PTPRG: variants seen among roughly 807,000 people sequenced by gnomAD.
PTPRG encodes receptor-type tyrosine-protein phosphatase gamma.
Under a neutral mutation model 165.3 loss-of-function variants are expected in PTPRG, and 102 were observed. That is an observed-to-expected ratio of 0.62 (90% confidence interval 0.53 to 0.73). PTPRG has a LOEUF of 0.73. PTPRG is among the 30% of genes least tolerant of loss of function. The pLI is 0.00. For synonymous variants in PTPRG, 675 were observed against 669.5 expected (o/e 1.01, Z -0.13); for missense variants, 1,866 against 1,861.4 (o/e 1.00, Z -0.05).
chr3:62,062,467 G>C (rs1193800088), intron 4 of PTPRG, among the ~76,000 whole-genome samples: 6 of 152,152 alleles, frequency 3.9e-5, no homozygotes, highest in Non-Finnish European at 8.8e-5. Flanking sequence ...TTAATAAAAT[G>C]TTGGGGGGAA....
intron 19 of PTPRG, among the ~76,000 whole-genome samples, chr3:62,268,788 A>G (rs939826648): frequency 3.3e-5 from 5 of 152,174 alleles, no homozygotes; most frequent in Non-Finnish European, 5.9e-5. Context: ...ATAAAAATGC[A>G]TTATATATTG....
At chr3:62,049,638 C>G (rs866544171) in intron 4 of PTPRG, among the ~76,000 whole-genome samples, 1 of 152,116 alleles carries the variant, frequency 6.6e-6, no homozygotes, top group African/African-American at 2.4e-5. Flanking sequence ...TTTGAACTTG[C>G]ATAGGTTCAA....
chr3:61,926,327 T>C (rs2039209908), intron 2 of PTPRG, among the ~76,000 whole-genome samples: 1 of 152,076 alleles, frequency 6.6e-6, no homozygotes, highest in East Asian at 1.9e-4. Context: ...ATCCCCTTGG[T>C]GCTGTTCTTG....
At chr3:62,249,464 T>C (rs1350127314) in intron 15 of PTPRG, among the ~76,000 whole-genome samples, 1 of 152,122 alleles carries the variant, frequency 6.6e-6, no homozygotes, top group Non-Finnish European at 1.5e-5. Flanking sequence ...ATGCTAGGGC[T>C]CTGTTTTTCT....
chr3:61,878,481 GT>G (rs1195074836), intron 2 of PTPRG, among the ~76,000 whole-genome samples: 1 of 152,016 alleles, frequency 6.6e-6, no homozygotes, highest in Non-Finnish European at 1.5e-5. Context: ...TCCCCAGGTT[GT>G]TTTTGGTTTG....
At chr3:62,170,827 G>A (rs139033073) in intron 8 of PTPRG, among the ~76,000 whole-genome samples, 90 of 152,224 alleles carry the variant, frequency 5.9e-4, no homozygotes, top group Non-Finnish European at 1.1e-3. Flanking sequence ...TGCAGTACCC[G>A]TAATACGTGC....
rs370508706 is a variant in PTPRG at position 62,244,559 on chromosome 3, G to A, written c.2467+661G>A. On this transcript the variant is annotated intron_variant, in intron 15 of 29. Coordinates refer to ENST00000474889, the MANE Select transcript of PTPRG (RefSeq NM_002841.4). The stretch of plus-strand genomic sequence containing the variant: ...GGTTTCATTATGTGCTTCCAAATAC[G>A]TATCTTCAGATATTTTAGATACATC... Among the ~76,000 whole-genome samples, 154 of 152,032 alleles carry A rather than the reference G, an allele frequency of 1.0e-3. 1 individual carries two copies. The highest frequency in any genetic ancestry group is 7.0e-4 in the African/African-American group (29 of 41,454).
chr3:61,853,446 G>C (rs537409211), intron 2 of PTPRG, among the ~76,000 whole-genome samples: 1 of 152,154 alleles, frequency 6.6e-6, no homozygotes, highest in South Asian at 2.1e-4. Context: ...TCATTAGAAC[G>C]CTGGGGAAGA....
intron 1 of PTPRG, among the ~76,000 whole-genome samples, chr3:61,584,656 G>A (rs895487264): frequency 3.9e-4 from 58 of 149,366 alleles, no homozygotes; most frequent in Admixed American, 1.1e-3. Context: ...ATGTTATCCC[G>A]CTTTGATCTA....
At chr3:61,990,760 T>C (rs2040865679) in intron 3 of PTPRG, among the ~76,000 whole-genome samples, 1 of 152,204 alleles carries the variant, frequency 6.6e-6, no homozygotes, top group Non-Finnish European at 1.5e-5. Flanking sequence ...AAGTGAACCC[T>C]TTGTAACCAA....
At chr3:61,728,874 CAAAAA>C (rs3032404) in intron 1 of PTPRG, among the ~76,000 whole-genome samples, 3 of 103,008 alleles carry the variant, frequency 2.9e-5, no homozygotes, top group Non-Finnish European at 4.2e-5. Flanking sequence ...TAATCTGTAC[CAAAAA>C]AAAAAAAAAA....
intron 2 of PTPRG, among the ~76,000 whole-genome samples, chr3:61,983,294 T>C (rs540811280): frequency 6.6e-6 from 1 of 152,280 alleles, no homozygotes; most frequent in Non-Finnish European, 1.5e-5. Context: ...TAAACCTGTG[T>C]ATTCGATTTC....
chr3:61,941,020 T>C (rs1575807006), intron 2 of PTPRG, among the ~76,000 whole-genome samples: 1 of 152,172 alleles, frequency 6.6e-6, no homozygotes, highest in Admixed American at 6.5e-5. Flanking sequence ...GACATTCTGA[T>C]CCCAACAGCA....
At chr3:61,730,235 G>A (rs1326998981) in intron 1 of PTPRG, among the ~76,000 whole-genome samples, 1 of 148,720 alleles carries the variant, frequency 6.7e-6, no homozygotes, top group East Asian at 2.1e-4. Flanking sequence ...TGCAGCTACA[G>A]TGCCTCAGCT....
At chr3:61,730,279 C>T (rs1298793039) in intron 1 of PTPRG, among the ~76,000 whole-genome samples, 1 of 152,186 alleles carries the variant, frequency 6.6e-6, no homozygotes, top group African/African-American at 2.4e-5. Context: ...GCCATGCAGA[C>T]CTTTATGGCT....
chr3:61,669,962 C>T (rs556282846), intron 1 of PTPRG, among the ~76,000 whole-genome samples: 8 of 152,272 alleles, frequency 5.3e-5, no homozygotes, highest in African/African-American at 1.7e-4. Flanking sequence ...AGTTTCAGTA[C>T]TGGAGTCGGC....
At chr3:62,009,851 A>G (rs759897127) in intron 4 of PTPRG, among the ~76,000 whole-genome samples, 19 of 152,144 alleles carry the variant, frequency 1.2e-4, no homozygotes, top group Non-Finnish European at 2.4e-4. Context: ...CCTAGACTAC[A>G]TGTCAGGTTG....
At chr3:62,074,934 T>C (rs79348696) in intron 4 of PTPRG, among the ~76,000 whole-genome samples, 9,410 of 152,266 alleles carry the variant, frequency 0.062, 418 homozygotes, top group South Asian at 0.11. Context: ...TATGTTTCAA[T>C]TCACGCATGT....
At chr3:62,093,312 C>T (rs1056922667) in intron 5 of PTPRG, among the ~76,000 whole-genome samples, 3 of 152,212 alleles carry the variant, frequency 2.0e-5, no homozygotes, top group Admixed American at 6.5e-5. Flanking sequence ...ATGTTCTCAA[C>T]TCCTGAGGTT....
Sources: allele counts gnomAD v4.1 joint callset (sites outside exome capture counted in the v4.1 genomes callset), GRCh38; gene constraint gnomAD v4.1.1; transcripts MANE v1.5; gene names NCBI Gene and HGNC (gene_info 2026-07-23, HGNC 2026-07-21).